BAZ2B: variants seen among roughly 807,000 people sequenced by gnomAD.
BAZ2B encodes the protein bromodomain adjacent to zinc finger domain 2B.
Under a neutral mutation model 246.0 loss-of-function variants are expected in BAZ2B, and 91 were observed. That is an observed-to-expected ratio of 0.37 (90% CI 0.31 to 0.44). The LOEUF is 0.44. Among genes scored for constraint, BAZ2B ranks in the 20% least tolerant of loss-of-function variants. The pLI, the probability that BAZ2B is intolerant of heterozygous loss-of-function variation, is 1.00. For missense variants in BAZ2B, 2,332 were observed against 2,533.7 expected (o/e 0.92, Z 1.71); for synonymous variants, 855 against 860.0 (o/e 0.99, Z 0.10).
intron 35 of BAZ2B, among the ~76,000 whole-genome samples, 165 bp from the exon 36 acceptor site, chr2:159,325,119 A>T (rs1575604984): frequency 5.3e-5 from 1 of 18,914 alleles, no homozygotes; most frequent in African/African-American, 2.9e-4. Context: ...TATATATTTT[A>T]TATATATATA....
chr2:159,659,453 T>TA, the BAZ2B span, among the ~76,000 whole-genome samples: 2 of 152,226 alleles, frequency 1.3e-5, no homozygotes, highest in Non-Finnish European at 2.9e-5. Context: ...GGAGAGCCCC[T>TA]ATACAGATCT....
At chr2:159,353,018 G>A (rs1484340114) in intron 27 of BAZ2B, among the ~76,000 whole-genome samples, 2 of 152,144 alleles carry the variant, frequency 1.3e-5, no homozygotes, top group African/African-American at 2.4e-5. Flanking sequence ...CCTTGATAAC[G>A]AAATAAAAGG....
At chr2:159,348,938 C>T in intron 29 of BAZ2B, 69 bp downstream of exon 29, 1 of 1,560,450 alleles carries the variant, frequency 6.4e-7, no homozygotes, top group Non-Finnish European at 8.7e-7. Context: ...ATCAAATATT[C>T]AGTTATAATA....
At chr2:159,517,256 T>C (rs1284569029) in intron 2 of BAZ2B, among the ~76,000 whole-genome samples, 1 of 152,048 alleles carries the variant, frequency 6.6e-6, no homozygotes, top group African/African-American at 2.4e-5. Context: ...CCTGTGAGCA[T>C]TTTTTAAAAA....
the BAZ2B span, among the ~76,000 whole-genome samples, chr2:159,628,007 C>T: frequency 6.6e-6 from 1 of 152,198 alleles, no homozygotes; most frequent in Admixed American, 6.5e-5. Flanking sequence ...AAATCACAAG[C>T]ATTCCTACAT....
rs59750015 is a variant in BAZ2B at position 159,467,059 on chromosome 2, A to C, written c.145+11516T>G. On this transcript the variant is annotated intron_variant, in intron 3 of 36. Transcript: ENST00000392783. ...ATGAGGAAGAATCAGCTTTATGAAG[A>C]TTTTCCAGACAGAGGGACAGCGTAT... 7.3e-3 allele frequency among the ~76,000 whole-genome samples: 1,115 copies of C among 152,258 alleles called. 14 individuals are homozygous for C. The highest frequency in any genetic ancestry group is 0.024 in the African/African-American group (1,014 of 41,550).
chr2:159,584,779 T>C (rs2151656276), intron 1 of BAZ2B, among the ~76,000 whole-genome samples: 1 of 152,052 alleles, frequency 6.6e-6, no homozygotes, highest in East Asian at 1.9e-4. Context: ...TGGTGGGAGG[T>C]GATTGGATCA....
chr2:159,446,924 T>A lies in BAZ2B; in HGVS notation c.554A>T (p.Asn185Ile), dbSNP rs990694934. Residue 185 changes from asparagine to isoleucine, a missense_variant, in exon 6 of 37, where the codon AAC becomes ATC. Physicochemically the swap from Asn to Ile is moderately radical, Grantham distance 149 (BLOSUM62 -3). Around this residue, in one of 9 missense-constraint regions of BAZ2B, gnomAD observed 242 missense variants for 237.4 expected, o/e 1.02. Transcript: ENST00000392783. ...AGCAGTAGTGGATAGTACAGATGTG[T>A]TGATACCAATTACAGATGATGTATT... ...GSNTSSVIGI[N>I]TSVLSTTASS... 3 of 1,599,110 alleles carry A rather than the reference T, an allele frequency of 1.9e-6. No homozygotes were observed. Among genetic ancestry groups the A allele is most frequent in the Non-Finnish European group, 2.6e-6 (3 of 1,174,312 alleles).
At chr2:159,399,806 T>C (rs2064680411) in intron 17 of BAZ2B, among the ~76,000 whole-genome samples, 1 of 152,174 alleles carries the variant, frequency 6.6e-6, no homozygotes, top group Non-Finnish European at 1.5e-5. Flanking sequence ...GAAGTTGTAA[T>C]AAATTTAAAC....
intron 3 of BAZ2B, among the ~76,000 whole-genome samples, chr2:159,474,952 T>A (rs575584820): frequency 6.6e-6 from 1 of 152,208 alleles, no homozygotes; most frequent in African/African-American, 2.4e-5. Flanking sequence ...GTTCCCTTTG[T>A]GGGTAACCCG....
chr2:159,490,526 G>GTTTGCTTT (rs1469147882), intron 2 of BAZ2B, among the ~76,000 whole-genome samples: 2 of 151,846 alleles, frequency 1.3e-5, no homozygotes, highest in Non-Finnish European at 2.9e-5. Context: ...TTGTTTGTTT[G>GTTTGCTTT]TTTGCTTTGA....
intron 2 of BAZ2B, among the ~76,000 whole-genome samples, chr2:159,490,811 C>A (rs2080371656): frequency 6.6e-6 from 1 of 152,166 alleles, no homozygotes; most frequent in African/African-American, 2.4e-5. Flanking sequence ...ATTTAACACA[C>A]ACTGTGCTTT....
chr2:159,592,484 G>T (rs1359439135), intron 1 of BAZ2B, among the ~76,000 whole-genome samples: 1 of 152,138 alleles, frequency 6.6e-6, no homozygotes, highest in African/African-American at 2.4e-5. Flanking sequence ...TAAACTGCTT[G>T]TTCTTTTTCA....
intron 1 of BAZ2B, among the ~76,000 whole-genome samples, chr2:159,594,551 C>T (rs1284148827): frequency 6.6e-6 from 1 of 152,042 alleles, no homozygotes; most frequent in Non-Finnish European, 1.5e-5. Flanking sequence ...ACCAATCGGA[C>T]AAGCTAGCAT....
chr2:159,572,649 G>A (rs1388208532), intron 1 of BAZ2B, among the ~76,000 whole-genome samples: 1 of 152,010 alleles, frequency 6.6e-6, no homozygotes, highest in South Asian at 2.1e-4. Flanking sequence ...ACTTTTTAGA[G>A]CTAGATTTTT....
chr2:159,485,476 C>CT (rs776555489), intron 2 of BAZ2B, among the ~76,000 whole-genome samples: 3 of 151,944 alleles, frequency 2.0e-5, no homozygotes, highest in African/African-American at 4.8e-5. Context: ...AAATGAATTG[C>CT]TTTTTTTGTC....
At position 159,508,700 on chromosome 2, in the gene BAZ2B, AT is replaced by A. The variant is rs369516137; in HGVS notation, c.-2-29980del. Among the ~76,000 whole-genome samples the A allele has an allele frequency of 1.4e-4, 22 of 152,320 alleles. No homozygotes were observed. In the East Asian group the frequency reaches 2.7e-3, roughly 19 times the overall value. On this transcript the variant is annotated intron_variant, in intron 2 of 36. Coordinates refer to ENST00000392783, the MANE Select transcript of BAZ2B (RefSeq NM_013450.4). Reference sequence around the variant, plus strand: ...CCCTATGCATTACATACTCTCATGTATACCCCCTGACCAGAAATTTAAAGAA... The same window carrying A: ...CCCTATGCATTACATACTCTCATGTAACCCCCTGACCAGAAATTTAAAGAA...
intron 23 of BAZ2B, 121 bp from the exon 24 acceptor site, chr2:159,383,801 AC>A: frequency 7.6e-6 from 6 of 789,002 alleles, no homozygotes; most frequent in Non-Finnish European, 1.2e-5. Flanking sequence ...AAATGATACA[AC>A]TGACCTCATG....
intron 31 of BAZ2B, among the ~76,000 whole-genome samples, chr2:159,338,243 T>G (rs182057270): frequency 6.3e-4 from 96 of 152,296 alleles, no homozygotes; most frequent in African/African-American, 2.3e-3. Flanking sequence ...TTGCTCCTCT[T>G]CACCTAGTTA....
Sources: allele counts gnomAD v4.1 joint callset (sites outside exome capture counted in the v4.1 genomes callset), GRCh38; gene constraint gnomAD v4.1.1; regional missense constraint gnomAD v4.1.1; transcripts MANE v1.5; gene names NCBI Gene and HGNC (gene_info 2026-07-23, HGNC 2026-07-21).